Variants in COL28A1 observed in about 807,000 individuals in gnomAD.
COL28A1 encodes collagen alpha-1(XXVIII) chain.
COL28A1 carries 161 observed loss-of-function variants against 150.2 expected under a neutral mutation model. That is an observed-to-expected ratio of 1.07 (90% confidence interval 0.94 to 1.22). COL28A1 has a LOEUF of 1.22. Among genes scored for constraint, COL28A1 ranks in the 50% most tolerant of loss-of-function variants. The pLI, the probability that COL28A1 is intolerant of heterozygous loss-of-function variation, is 0.00. For missense variants in COL28A1, 1,617 were observed against 1,388.3 expected (o/e 1.16, Z -2.62); for synonymous variants, 552 against 469.7 (o/e 1.18, Z -2.26).
rs771968392 is a variant in COL28A1 at position 7,373,067 on chromosome 7, T to C, written c.2839A>G (p.Lys947Glu). The change falls in exon 32 of 35, where the codon AAA (lysine) becomes GAA (glutamate). Residue 947 changes from lysine to glutamate, a missense_variant. Coordinates refer to ENST00000399429, the MANE Select transcript of COL28A1 (RefSeq NM_001037763.3). The surrounding 1 kb of genome is among the most constrained non-coding windows in gnomAD (Gnocchi z 4.1). ...KNDPNFEIFH[K>E]EMNLIATDPE... Reference sequence around the variant, plus strand: ...TCAGTAGCAATTAGATTCATTTCTTTGTGGAATATTTCAAAGTTGGGATCA... The same window carrying C: ...TCAGTAGCAATTAGATTCATTTCTTCGTGGAATATTTCAAAGTTGGGATCA... 1 of 1,614,208 alleles carries C rather than the reference T, an allele frequency of 6.2e-7. No individual in the cohort carries two copies. Among genetic ancestry groups the C allele is most frequent in the South Asian group, 1.1e-5 (1 of 91,080 alleles).
intron 34 of COL28A1, among the ~76,000 whole-genome samples, chr7:7,359,952 A>G (rs1421934376): frequency 6.6e-6 from 1 of 152,130 alleles, no homozygotes; most frequent in African/African-American, 2.4e-5. Flanking sequence ...ATAGATATTA[A>G]CTCCATAGAA....
At chr7:7,357,466 C>T (rs1780394602), downstream of COL28A1, among the ~76,000 whole-genome samples, 1 of 152,052 alleles carries the variant, frequency 6.6e-6, no homozygotes, top group African/African-American at 2.4e-5. Flanking sequence ...CGTGACCAGC[C>T]TGACCAACAT....
At chr7:7,377,148 A>G (rs1781599246) in intron 30 of COL28A1, among the ~76,000 whole-genome samples, 1 of 152,224 alleles carries the variant, frequency 6.6e-6, no homozygotes, top group African/African-American at 2.4e-5. Flanking sequence ...TTCACTTATA[A>G]GAGCAATGCA....
chr7:7,409,541 T>C (rs988309991), intron 27 of COL28A1, among the ~76,000 whole-genome samples: 28 of 152,292 alleles, frequency 1.8e-4, no homozygotes, highest in African/African-American at 6.5e-4. Context: ...GTAGTTTTAG[T>C]ATATGACAGT....
At chr7:7,363,820 G>C (rs1171215041) in intron 33 of COL28A1, among the ~76,000 whole-genome samples, 2 of 151,988 alleles carry the variant, frequency 1.3e-5, no homozygotes, top group Admixed American at 6.6e-5. Flanking sequence ...TTTGAAGACA[G>C]AGTCTCGCTC....
chr7:7,375,519 G>A (rs1562493547), intron 30 of COL28A1, 22 bp from the exon 31 acceptor site: 1 of 1,447,930 alleles, frequency 6.9e-7, no homozygotes, highest in Non-Finnish European at 9.6e-7. Context: ...AAAGAAAAAT[G>A]TATTACTATA....
Position 7,524,258 on chromosome 7 carries a change from G to T in COL28A1, c.682-9C>A. On this transcript the variant is annotated splice_polypyrimidine_tract_variant and intron_variant, in intron 3 of 34. Coordinates refer to ENST00000399429, the MANE Select transcript of COL28A1 (RefSeq NM_001037763.3). ...TTTTCAAATAAGATATCCTACAAGG[G>T]AAAAAAGAATGAAGCATTAACTCGA... 7.5e-7 allele frequency: 1 copy of T among 1,340,154 alleles called. No individual in the cohort carries two copies. Among genetic ancestry groups the T allele is most frequent in the East Asian group, 2.3e-5 (1 of 43,604 alleles). 83.0% of individuals were successfully genotyped at this position (1,340,154 alleles called of 1,614,324 possible). A position where few individuals can be genotyped will look rare whatever the true frequency, so the allele number is the denominator to read the frequency against.
intron 33 of COL28A1, among the ~76,000 whole-genome samples, chr7:7,369,271 T>C (rs1179965123): frequency 1.3e-5 from 2 of 152,198 alleles, no homozygotes; most frequent in African/African-American, 4.8e-5. Context: ...GAATTTACTT[T>C]AAAATGCACA....
At chr7:7,525,585 G>T (rs1189941374) in intron 3 of COL28A1, among the ~76,000 whole-genome samples, 1 of 152,194 alleles carries the variant, frequency 6.6e-6, no homozygotes, top group Non-Finnish European at 1.5e-5. Flanking sequence ...TTTGTTGCAA[G>T]ATATTAAAAA....
chr7:7,507,177 G>GA lies in COL28A1; in HGVS notation c.928-17dup, dbSNP rs1163185355. 3 of 1,085,476 alleles carry GA rather than the reference G, an allele frequency of 2.8e-6. No individual in the cohort carries two copies. The highest frequency in any genetic ancestry group is 2.4e-5 in the East Asian group (1 of 41,720). The allele number at this position is 1,085,476 out of a possible 1,614,324, so 67.2% of individuals were successfully genotyped here. A position where few individuals can be genotyped will look rare whatever the true frequency, so the allele number is the denominator to read the frequency against. On this transcript the variant is annotated splice_polypyrimidine_tract_variant and intron_variant, in intron 9 of 34. Coordinates refer to ENST00000399429, the MANE Select transcript of COL28A1 (RefSeq NM_001037763.3). ...CTGGGGATCCCTGTGGAATAAAATT[G>GA]AAAATAAGTCTCTCTAAATATACAT...
In COL28A1 at chr7:7,358,623, AT is replaced by A. The variant is rs1486900792; in HGVS notation, c.*9del. The stretch of plus-strand genomic sequence containing the variant: ...CTATGCTTTTGATAGAGACAGGCCA[AT>A]TTACTTGCTCATCCTTGAATGCAGG... On this transcript the variant is annotated 3_prime_UTR_variant, in exon 35 of 35. Coordinates refer to ENST00000399429, the MANE Select transcript of COL28A1 (RefSeq NM_001037763.3). 6.2e-7 allele frequency: 1 copy of A among 1,613,476 alleles called. No individual in the cohort carries two copies. The highest frequency in any genetic ancestry group is 2.2e-5 in the East Asian group (1 of 44,868).
chr7:7,531,779 C>A lies in COL28A1; in HGVS notation c.250G>T (p.Gly84Cys). ...LSDKIFQLTP[G>C]RSLEYDIKLA... ...TTGATGTCATATTCCAAGGAGCGAC[C>A]AGGAGTCAATTGGAAAATCTTGTCA... Residue 84 changes from glycine (G) to cysteine (C), a missense_variant, in exon 3 of 35, where the codon GGT becomes TGT. Physicochemically the swap from Gly to Cys is radical, Grantham distance 159. Transcript: ENST00000399429. 2 of 1,606,256 alleles carry A rather than the reference C, an allele frequency of 1.2e-6. No homozygotes were observed. The highest frequency in any genetic ancestry group is 2.2e-5 in the East Asian group (1 of 44,838).
Position 7,373,866 on chromosome 7 carries a change from A to G in COL28A1, c.2360-320T>C, listed in dbSNP as rs377643658. Among the ~76,000 whole-genome samples, 1 of 151,044 alleles carries G rather than the reference A, an allele frequency of 6.6e-6. No individual in the cohort carries two copies. The highest frequency in any genetic ancestry group is 1.5e-5 in the Non-Finnish European group (1 of 67,770). ...AGGCGCCCGCCACCTCGCCTGGCTA[A>G]TTTTTTGTATTTTTAGTAGAGACAG... is the stretch of plus-strand genomic sequence containing the variant. On this transcript the variant is annotated intron_variant, in intron 31 of 34. Coordinates refer to ENST00000399429, the MANE Select transcript of COL28A1 (RefSeq NM_001037763.3). This position sits in a 1 kb window ranked among gnomAD's most constrained non-coding sequence, Gnocchi z 4.1.
chr7:7,416,331 A>T (rs573159448), intron 27 of COL28A1, among the ~76,000 whole-genome samples: 1 of 152,344 alleles, frequency 6.6e-6, no homozygotes, highest in South Asian at 2.1e-4. Flanking sequence ...AAGCCAGATA[A>T]GTTATAGTCG....
chr7:7,453,517 T>C lies in COL28A1; in HGVS notation c.1372-9A>G. ...ATAGGACCTTGGATTCCCTTTAAAA[T>C]AAAATTTTATAAAATAGTGTTAGTG... On this transcript the variant is annotated splice_polypyrimidine_tract_variant and intron_variant, in intron 16 of 34. Transcript: ENST00000399429. 1 of 960,636 alleles carries C rather than the reference T, an allele frequency of 1.0e-6. No homozygotes were observed. The highest frequency in any genetic ancestry group is 1.7e-6 in the Non-Finnish European group (1 of 593,460). 59.5% of individuals were successfully genotyped at this position (960,636 alleles called of 1,614,324 possible).
At chr7:7,517,912 A>T in intron 6 of COL28A1, 75 bp from the exon 7 acceptor site, 1 of 1,590,456 alleles carries the variant, frequency 6.3e-7, no homozygotes, top group Non-Finnish European at 8.6e-7. Context: ...TGCATTATAC[A>T]GAAGATTAAT....
At chr7:7,541,847 T>C in the COL28A1 span, among the ~76,000 whole-genome samples, 1 of 152,006 alleles carries the variant, frequency 6.6e-6, no homozygotes, top group Non-Finnish European at 1.5e-5. Flanking sequence ...TAGTTTCTAC[T>C]ATATGTGAGG....
intron 20 of COL28A1, among the ~76,000 whole-genome samples, chr7:7,441,383 G>A (rs1467600845): frequency 6.6e-6 from 1 of 152,002 alleles, no homozygotes; most frequent in African/African-American, 2.4e-5. Context: ...GGCAGAGCTA[G>A]GAACTGACTA....
intron 11 of COL28A1, among the ~76,000 whole-genome samples, chr7:7,494,990 G>A (rs1780125906): frequency 6.6e-6 from 1 of 152,112 alleles, no homozygotes; most frequent in South Asian, 2.1e-4. Flanking sequence ...GAGACGGTCA[G>A]CAGCCCGTGA....
Sources: gnomAD v4.1 joint callset for allele counts (sites outside exome capture counted in the v4.1 genomes callset) on GRCh38, gnomAD v4.1.1 for gene constraint, Gnocchi (gnomAD v3.1) non-coding constraint, MANE v1.5 for transcripts, NCBI Gene and HGNC (gene_info 2026-07-23, HGNC 2026-07-21) for gene names.